FSIP2: variants seen among roughly 807,000 people sequenced by gnomAD.
The protein encoded by FSIP2 is fibrous sheath interacting protein 2.
Under a neutral mutation model 510.5 loss-of-function variants are expected in FSIP2, and 367 were observed. The observed-to-expected ratio is 0.72, with a 90% CI of 0.66 to 0.78. The LOEUF is 0.78. Among genes scored for constraint, FSIP2 ranks in the 30% least tolerant of loss-of-function variants. The pLI is 0.00. For synonymous variants in FSIP2, 2,601 were observed against 2,732.2 expected, an observed-to-expected ratio of 0.95 and a Z score of 1.50; for missense variants, 7,594 against 7,901.7, an observed-to-expected ratio of 0.96 and a Z score of 1.48.
intron 12 of FSIP2, 56 bp from the exon 13 acceptor site, chr2:185,764,446 G>T: frequency 1.0e-6 from 1 of 969,550 alleles, no homozygotes; most frequent in Middle Eastern, 2.1e-4. Context: ...GTTGATGTTT[G>T]AGTCCTAAAA....
chr2:185,799,995 CATT>C lies in FSIP2; in HGVS notation c.10694_10696del (p.Ile3565del), dbSNP rs1211861637. ...AACTTGCTTTATGTATTTCTGAAAT[CATT>C]ATTAAAATTCTTTTTAATAATAAAA... On this transcript the variant is annotated inframe_deletion, in exon 17 of 23. Coordinates refer to ENST00000424728, the MANE Select transcript of FSIP2 (RefSeq NM_173651.4). 1.3e-6 allele frequency: 2 copies of C among 1,517,490 alleles called. No homozygotes were observed. The highest frequency in any genetic ancestry group is 1.8e-6 in the Non-Finnish European group (2 of 1,134,486). 94.0% of individuals were successfully genotyped at this position (1,517,490 alleles called of 1,614,324 possible). A position where few individuals can be genotyped will look rare whatever the true frequency, so the allele number is the denominator to read the frequency against.
chr2:185,801,168 G>A lies in FSIP2; in HGVS notation c.11862G>A (p.Lys3954=). The change falls in exon 17 of 23, where the codon AAG becomes AAA. Residue 3954 remains lysine, a synonymous_variant. Transcript: ENST00000424728. ...GACAGAGAACAAAGGAAATGGATAAGGTAGCCATTCATAATAAGCTACATC... is the reference window on the plus strand; with the variant it reads ...GACAGAGAACAAAGGAAATGGATAAAGTAGCCATTCATAATAAGCTACATC... The part of the protein sequence containing the change: ...FERQRTKEMD[K]VAIHNKLHQE... 6.5e-7 allele frequency: 1 copy of A among 1,533,502 alleles called. No individual in the cohort carries two copies. The highest frequency in any genetic ancestry group is 2.4e-5 in the East Asian group (1 of 40,818). The allele number at this position is 1,533,502 out of a possible 1,614,324, so 95.0% of individuals were successfully genotyped here.
chr2:185,796,421 C>T lies in FSIP2; in HGVS notation c.9285C>T (p.Asn3095=). The T allele has an allele frequency of 6.5e-7, 1 of 1,534,328 alleles. No homozygotes were observed. The highest frequency in any genetic ancestry group is 8.7e-7 in the Non-Finnish European group (1 of 1,145,862). Residue 3095 remains asparagine (N), a synonymous_variant, in exon 16 of 23, where the codon AAC becomes AAT. Coordinates refer to ENST00000424728, the MANE Select transcript of FSIP2 (RefSeq NM_173651.4). ...GTGACATGCTTGCTGTAATTAAGAA[C>T]AAGCTAGACAACGAAATAAGCCAAA... ...IISDMLAVIK[N]KLDNEISQME... is the part of the protein sequence containing the mutation.
At position 185,746,710 on chromosome 2, in the gene FSIP2, G is replaced by A. The variant is rs1318657745; in HGVS notation, c.659G>A (p.Arg220His). 7.2e-6 allele frequency: 11 copies of A among 1,528,844 alleles called. No homozygotes were observed. The highest frequency in any genetic ancestry group is 2.4e-5 in the East Asian group (1 of 40,850). The allele number at this position is 1,528,844 out of a possible 1,614,324, so 94.7% of individuals were successfully genotyped here. ...MISRKLEQLE[R>H]TAEEQRLFLM... ...AGTAGAAAACTAGAACAACTTGAAC[G>A]CACAGCAGAAGAACAACGCCTATTC... Residue 220 changes from arginine (R) to histidine (H), a missense_variant, in exon 6 of 23, where the codon CGC becomes CAC. Transcript: ENST00000424728.
chr2:185,807,712 GGA>G lies in FSIP2; in HGVS notation c.18410_18411del (p.Glu6137AlafsTer10), dbSNP rs1693620274. Reference sequence around the variant, plus strand: ...CAATCAGCTGCAGAGCTATTTTTGTGGAGAGCTAACTCCACATCAGTGTGTGG... The same window carrying G: ...CAATCAGCTGCAGAGCTATTTTTGTGGAGCTAACTCCACATCAGTGTGTGG... The part of the protein sequence containing the change: ...ASNQLQSYFC[G>X]ELTPHQCVEV... On this transcript the variant is annotated frameshift_variant, in exon 17 of 23. Transcript: ENST00000424728. LOFTEE classifies it high-confidence loss of function. 5.0e-6 allele frequency: 8 copies of G among 1,612,466 alleles called. No individual in the cohort carries two copies. The highest frequency in any genetic ancestry group is 5.1e-6 in the Non-Finnish European group (6 of 1,179,216).
rs1461547151 is a variant in FSIP2 at position 185,789,795 on chromosome 2, G to A, written c.2659G>A (p.Glu887Lys). 1.1e-5 allele frequency: 17 copies of A among 1,533,626 alleles called. No homozygotes were observed. The highest frequency in any genetic ancestry group is 1.4e-5 in the Non-Finnish European group (16 of 1,145,344). The change falls in exon 16 of 23, where the codon GAA (glutamate) becomes AAA (lysine). Residue 887 changes from glutamate (E) to lysine (K), a missense_variant. Physicochemically the swap from Glu to Lys is moderately conservative, Grantham distance 56. Coordinates refer to ENST00000424728, the MANE Select transcript of FSIP2 (RefSeq NM_173651.4). Reference sequence around the variant, plus strand: ...TGAAGCTAGTTTAATTGTCAATGAAGAAGTACAAAATTTAATATCAAATAT... The same window carrying A: ...TGAAGCTAGTTTAATTGTCAATGAAAAAGTACAAAATTTAATATCAAATAT... ...SDEASLIVNE[E>K]VQNLISNIFS...
rs1275472926 is a variant in FSIP2 at position 185,799,943 on chromosome 2, T to A, written c.10637T>A (p.Phe3546Tyr). 5 of 1,533,288 alleles carry A rather than the reference T, an allele frequency of 3.3e-6. No individual in the cohort carries two copies. Among genetic ancestry groups the A allele is most frequent in the Non-Finnish European group, 3.5e-6 (4 of 1,145,120 alleles). The allele number at this position is 1,533,288 out of a possible 1,614,324, so 95.0% of individuals were successfully genotyped here. ...ATTATTTCAATTCATTCTCAAGTGT[T>A]TGAGAGCAGGTCAATTTCCATTGGA... The part of the protein sequence containing the change: ...SKIISIHSQV[F>Y]ESRSISIGEL... Residue 3546 changes from phenylalanine (F) to tyrosine (Y), a missense_variant, in exon 17 of 23, where the codon TTT (phenylalanine) becomes TAT (tyrosine). Physicochemically the swap from Phe to Tyr is conservative, Grantham distance 22. Transcript: ENST00000424728.
At position 185,804,504 on chromosome 2, in the gene FSIP2, T is replaced by A. The variant is rs1175872977; in HGVS notation, c.15198T>A (p.Tyr5066Ter). The A allele has an allele frequency of 6.6e-7, 1 of 1,515,376 alleles. No individual in the cohort carries two copies. The highest frequency in any genetic ancestry group is 1.2e-5 in the South Asian group (1 of 80,684). The allele number at this position is 1,515,376 out of a possible 1,614,324, so 93.9% of individuals were successfully genotyped here. The stretch of plus-strand genomic sequence containing the variant: ...ATTATTTGCTATTGGAAGAAATATA[T>A]GATTATCAAGTGCAGTCATTAGTTT... ...KIYYLLLEEI[Y>*]DYQVQSLVSG... Residue 5066 changes from tyrosine (Y) to a stop codon, truncating the protein, a stop_gained, in exon 17 of 23, where the codon TAT becomes TAA. Coordinates refer to ENST00000424728, the MANE Select transcript of FSIP2 (RefSeq NM_173651.4). LOFTEE classifies it high-confidence loss of function.
At chr2:185,761,221 T>G in intron 10 of FSIP2, 118 bp downstream of exon 10, 1 of 408,138 alleles carries the variant, frequency 2.5e-6, no homozygotes, top group South Asian at 8.5e-5. Flanking sequence ...ATACTGAGTT[T>G]TATTCATGAA....
chr2:185,826,677 G>A (rs1475558389), intron 20 of FSIP2, among the ~76,000 whole-genome samples: 1 of 151,764 alleles, frequency 6.6e-6, no homozygotes, highest in Non-Finnish European at 1.5e-5. Context: ...GGAGATTTAT[G>A]TCTGTTAACA....
chr2:185,746,734 T>C lies in FSIP2; in HGVS notation c.683T>C (p.Phe228Ser). 6.5e-7 allele frequency: 1 copy of C among 1,532,206 alleles called. No individual in the cohort carries two copies. The highest frequency in any genetic ancestry group is 1.4e-5 in the African/African-American group (1 of 72,802). 94.9% of individuals were successfully genotyped at this position (1,532,206 alleles called of 1,614,324 possible). Residue 228 changes from phenylalanine (F) to serine (S), a missense_variant, in exon 6 of 23, where the codon TTC becomes TCC. Transcript: ENST00000424728. ...LERTAEEQRL[F>S]LMDREERRQR... ...CGCACAGCAGAAGAACAACGCCTAT[T>C]CCTAATGGATAGAGAAGAAAGACGA...
chr2:185,777,037 C>T (rs1257310260), intron 13 of FSIP2, among the ~76,000 whole-genome samples: 1 of 152,072 alleles, frequency 6.6e-6, no homozygotes, highest in African/African-American at 2.4e-5. Context: ...ATGCAAGATT[C>T]TAATCCACAT....
chr2:185,806,523 C>CA lies in FSIP2; in HGVS notation c.17222dup (p.Asn5741LysfsTer22). Reference sequence around the variant, plus strand: ...CAAAAAAAGTATCCTCCTCAACTAACAAAAATATCTCTGCCAAAGAAAAAG... The same window carrying CA: ...CAAAAAAAGTATCCTCCTCAACTAACAAAAAATATCTCTGCCAAAGAAAAAG... On this transcript the variant is annotated frameshift_variant, in exon 17 of 23. Transcript: ENST00000424728. LOFTEE classifies it high-confidence loss of function. 1.3e-6 allele frequency: 2 copies of CA among 1,597,716 alleles called. No individual in the cohort carries two copies. The highest frequency in any genetic ancestry group is 1.4e-5 in the African/African-American group (1 of 73,504).
In FSIP2 at chr2:185,753,780, G is replaced by A; in HGVS notation, c.929G>A (p.Gly310Asp). The change falls in exon 8 of 23, where the codon GGC becomes GAC. Residue 310 changes from glycine (G) to aspartate (D), a missense_variant. Transcript: ENST00000424728. ...CATTTACAAAAAATGCAAGATACTG[G>A]CTTTAACGGAGAAGATATAGGAAAA... The part of the protein sequence containing the change: ...AYHLQKMQDT[G>D]FNGEDIGKNT... 1 of 1,454,696 alleles carries A rather than the reference G, an allele frequency of 6.9e-7. No homozygotes were observed. The highest frequency in any genetic ancestry group is 9.2e-7 in the Non-Finnish European group (1 of 1,086,542). The allele number at this position is 1,454,696 out of a possible 1,614,324, so 90.1% of individuals were successfully genotyped here. A position where few individuals can be genotyped will look rare whatever the true frequency, so the allele number is the denominator to read the frequency against.
At chr2:185,832,208 C>T (rs2105510500) in intron 22 of FSIP2, among the ~76,000 whole-genome samples, 1 of 151,954 alleles carries the variant, frequency 6.6e-6, no homozygotes, top group East Asian at 2.0e-4. Context: ...CCACAGCTAA[C>T]AAGCAGCAGA....
Position 185,793,314 on chromosome 2 carries a change from T to A in FSIP2, c.6178T>A (p.Ser2060Thr), listed in dbSNP as rs764283791. 2 of 1,534,168 alleles carry A rather than the reference T, an allele frequency of 1.3e-6. No homozygotes were observed. The highest frequency in any genetic ancestry group is 2.4e-5 in the South Asian group (2 of 84,030). ...SRKGKCDKNS[S>T]DKEIDLDQQK... ...TAAAGGCAAATGTGACAAAAACAGT[T>A]CTGACAAAGAGATCGATTTAGATCA... The change falls in exon 16 of 23, where the codon TCT (serine) becomes ACT (threonine). Residue 2060 changes from serine (S) to threonine (T), a missense_variant. Physicochemically the swap from Ser to Thr is moderately conservative, Grantham distance 58 (BLOSUM62 1). Coordinates refer to ENST00000424728, the MANE Select transcript of FSIP2 (RefSeq NM_173651.4).
Position 185,795,755 on chromosome 2 carries a change from A to G in FSIP2, c.8619A>G (p.Ala2873=). Residue 2873 remains alanine (A), a synonymous_variant, in exon 16 of 23, where the codon GCA becomes GCG. Coordinates refer to ENST00000424728, the MANE Select transcript of FSIP2 (RefSeq NM_173651.4). The part of the protein sequence containing the change: ...ENVLTEISIK[A]KELEYSLSLL... Reference sequence around the variant, plus strand: ...TTTTGACTGAAATTTCAATAAAAGCAAAAGAATTAGAATATTCTCTTTCAC... The same window carrying G: ...TTTTGACTGAAATTTCAATAAAAGCGAAAGAATTAGAATATTCTCTTTCAC... 6.5e-7 allele frequency: 1 copy of G among 1,533,240 alleles called. No individual in the cohort carries two copies. The highest frequency in any genetic ancestry group is 8.7e-7 in the Non-Finnish European group (1 of 1,145,032). 95.0% of individuals were successfully genotyped at this position (1,533,240 alleles called of 1,614,324 possible).
intron 11 of FSIP2, among the ~76,000 whole-genome samples, chr2:185,762,420 CT>C (rs1204921447): frequency 1.3e-5 from 2 of 151,334 alleles, no homozygotes; most frequent in African/African-American, 4.8e-5. Context: ...TACCCAATAT[CT>C]GTGTGCCTTG....
At chr2:185,818,959 T>G (rs1296282410) in intron 19 of FSIP2, among the ~76,000 whole-genome samples, 1 of 151,948 alleles carries the variant, frequency 6.6e-6, no homozygotes, top group Non-Finnish European at 1.5e-5. Flanking sequence ...AGCTCATATA[T>G]CCACTTTTTA....
Sources: gnomAD v4.1 joint callset for allele counts (sites outside exome capture counted in the v4.1 genomes callset) on GRCh38, gnomAD v4.1.1 for gene constraint, MANE v1.5 for transcripts, NCBI Gene and HGNC (gene_info 2026-07-23, HGNC 2026-07-21) for gene names.